TAF11L13: variants seen among roughly 807,000 people sequenced by gnomAD.
TAF11L13 encodes the protein TATA-box-binding protein-associated factor 11-like protein 13.
At chr5:17,632,343 G>C (rs1051982943) in exon 1 of TAF11L13, 2 of 398,088 alleles carry the variant, frequency 5.0e-6, no homozygotes, top group East Asian at 7.1e-5. Context: ...GAAGCCCACC[G>C]TGGATGCAGA....
At chr5:17,632,589 C>T (rs954700602) in exon 1 of TAF11L13, 6 of 398,320 alleles carry the variant, frequency 1.5e-5, no homozygotes, top group South Asian at 1.3e-4. Flanking sequence ...GGGAGAGACG[C>T]CCCCGCTGCA....
chr5:17,632,381 G>A, exon 1 of TAF11L13: 1 of 398,418 alleles, frequency 2.5e-6, no homozygotes. Flanking sequence ...CAACCCTGCT[G>A]TCTGCCATGT....
chr5:17,632,397 G>T, the TAF11L13 span: 1 of 398,310 alleles, frequency 2.5e-6, no homozygotes, highest in Admixed American at 4.4e-5. Flanking sequence ...CATGTCTGAG[G>T]AGCAGCTGTC....
chr5:17,632,146 T>C (rs1305607965), exon 1 of TAF11L13: 2 of 397,446 alleles, frequency 5.0e-6, no homozygotes, highest in Non-Finnish European at 8.9e-6. Context: ...CCCCGAGGTC[T>C]GAAGGGCAGC....
exon 1 of TAF11L13, chr5:17,632,151 G>A (rs977147371): frequency 5.0e-6 from 2 of 397,648 alleles, no homozygotes; most frequent in Non-Finnish European, 8.9e-6. Context: ...AGGTCTGAAG[G>A]GCAGCAAGAA....
At chr5:17,632,094 A>T in exon 1 of TAF11L13, 1 of 396,550 alleles carries the variant, frequency 2.5e-6, no homozygotes, top group South Asian at 1.3e-4. Flanking sequence ...ACCCATGGAG[A>T]CCGGCAGGCA....
chr5:17,632,389 T>G, exon 1 of TAF11L13: 1 of 398,416 alleles, frequency 2.5e-6, no homozygotes, highest in Non-Finnish European at 4.4e-6. Context: ...CTGTCTGCCA[T>G]GTCTGAGGAG....
At chr5:17,632,090 G>T in exon 1 of TAF11L13, 2 of 396,542 alleles carry the variant, frequency 5.0e-6, no homozygotes, top group Admixed American at 4.4e-5. Flanking sequence ...TCTCACCCAT[G>T]GAGACCGGCA....
At chr5:17,632,448 C>G in exon 1 of TAF11L13, 1 of 398,590 alleles carries the variant, frequency 2.5e-6, no homozygotes, top group Non-Finnish European at 4.4e-6. Context: ...CCCAAGAGCA[C>G]GCATTGCGGG....
At position 17,632,492 on chromosome 5, in the gene TAF11L13, T is replaced by G. The variant is rs531771483; in HGVS notation, c.405T>G (p.Ser135=). ...GGTCTATCACTGGCAGTTCGGTGTC[T>G]GAGAACGCGGCCATTGCCATGGCTG... Residue 135 remains serine, a synonymous_variant, in exon 1 of 1, where the codon TCT becomes TCG. Coordinates refer to ENST00000639073, the Ensembl canonical transcript of TAF11L13. 379 of 398,508 alleles carry G rather than the reference T, an allele frequency of 9.5e-4. 10 individuals are homozygous for G. Among genetic ancestry groups the G allele is most frequent in the Middle Eastern group, 5.7e-3 (9 of 1,586 alleles). The allele number at this position is 398,508 out of a possible 1,614,324, so 24.7% of individuals were successfully genotyped here.
exon 1 of TAF11L13, chr5:17,632,636 G>T: frequency 2.5e-6 from 1 of 398,524 alleles, no homozygotes; most frequent in Non-Finnish European, 4.4e-6. Flanking sequence ...ACAGGTTAAA[G>T]CCCAAGGGCC....
chr5:17,632,456 G>A (rs1370547809), exon 1 of TAF11L13: 9 of 398,406 alleles, frequency 2.3e-5, no homozygotes, highest in Non-Finnish European at 3.1e-5. Flanking sequence ...CACGCATTGC[G>A]GGTCTGATGC....
chr5:17,632,664 T>C, exon 1 of TAF11L13: 1 of 398,542 alleles, frequency 2.5e-6, no homozygotes, highest in South Asian at 1.3e-4. Context: ...CAACAGCAAC[T>C]ACAAAAGAGT....
chr5:17,632,217 G>T (rs1392243162), exon 1 of TAF11L13: 3 of 397,926 alleles, frequency 7.5e-6, no homozygotes, highest in African/African-American at 4.1e-5. Context: ...GGATCAGGAA[G>T]GTGAGCTCAG....
chr5:17,632,645 C>T (rs1739716959), exon 1 of TAF11L13: 4 of 398,392 alleles, frequency 1.0e-5, no homozygotes, highest in Admixed American at 8.8e-5. Flanking sequence ...AGCCCAAGGG[C>T]CTCTTCCCCA....
exon 1 of TAF11L13, chr5:17,632,398 A>G: frequency 2.5e-6 from 1 of 398,410 alleles, no homozygotes; most frequent in Non-Finnish European, 4.4e-6. Flanking sequence ...ATGTCTGAGG[A>G]GCAGCTGTCC....
exon 1 of TAF11L13, chr5:17,632,220 G>A: frequency 2.5e-6 from 1 of 398,044 alleles, no homozygotes; most frequent in Admixed American, 4.4e-5. Flanking sequence ...TCAGGAAGGT[G>A]AGCTCAGGAG....
At chr5:17,632,509 C>G in exon 1 of TAF11L13, 2 of 398,540 alleles carry the variant, frequency 5.0e-6, no homozygotes, top group Non-Finnish European at 8.9e-6. Flanking sequence ...GCGGCCATTG[C>G]CATGGCTGGA....
exon 1 of TAF11L13, chr5:17,632,538 G>C (rs1208934374): frequency 5.0e-5 from 20 of 398,520 alleles, no homozygotes; most frequent in Non-Finnish European, 8.0e-5. Flanking sequence ...GGTCTTTGTT[G>C]GAGAGGTGGT....
Sources: allele counts gnomAD v4.1 joint callset, GRCh38; gene constraint gnomAD v4.1.1; transcripts MANE v1.5; gene names NCBI Gene and HGNC (gene_info 2026-07-23, HGNC 2026-07-21).